Variants in MIPOL1 observed in about 807,000 individuals in gnomAD.
The protein encoded by MIPOL1 is mirror-image polydactyly 1, also known as mirror-image polydactyly gene 1 protein.
In MIPOL1, 57 loss-of-function variants were observed where a neutral mutation model predicts 60.9. The observed-to-expected ratio is 0.94, with a 90% confidence interval of 0.76 to 1.17. MIPOL1 has a LOEUF of 1.17. Ranked by LOEUF, MIPOL1 falls within the 50% of genes most tolerant of loss-of-function variation. The pLI is 0.00. For missense variants in MIPOL1, 551 were observed against 511.6 expected (o/e 1.08, Z -0.74); for synonymous variants, 179 against 168.8 (o/e 1.06, Z -0.47).
chr14:37,531,437 T>A (rs2095478613), intron 12 of MIPOL1, among the ~76,000 whole-genome samples: 1 of 152,162 alleles, frequency 6.6e-6, no homozygotes, highest in Admixed American at 6.6e-5. Context: ...TACCATCCTA[T>A]TCTATGAAAT....
chr14:37,507,308 A>G (rs892872977), intron 12 of MIPOL1: 2 of 152,190 alleles, frequency 1.3e-5, no homozygotes, highest in Admixed American at 1.3e-4. Context: ...ATGCACACAT[A>G]TGCTTATTGC....
At chr14:37,288,891 A>G (rs748094559) in intron 7 of MIPOL1, among the ~76,000 whole-genome samples, 10 of 152,294 alleles carry the variant, frequency 6.6e-5, no homozygotes, top group South Asian at 2.1e-4. Context: ...CCTGATAATT[A>G]AAAGGGCTTG....
At chr14:37,262,426 T>C (rs1314790542) in intron 3 of MIPOL1, among the ~76,000 whole-genome samples, 1 of 152,098 alleles carries the variant, frequency 6.6e-6, no homozygotes, top group African/African-American at 2.4e-5. Context: ...GGAAGTCTTA[T>C]ATTTTGATGT....
intron 11 of MIPOL1, 152 bp from the exon 12 acceptor site, chr14:37,499,756 A>G: frequency 4.3e-6 from 2 of 463,768 alleles, no homozygotes; most frequent in Non-Finnish European, 7.7e-6. Flanking sequence ...TATCAATTAT[A>G]ATGTTGTGAC....
chr14:37,311,833 A>G (rs1352586655), intron 9 of MIPOL1, among the ~76,000 whole-genome samples: 2 of 152,170 alleles, frequency 1.3e-5, no homozygotes, highest in Non-Finnish European at 2.9e-5. Flanking sequence ...GTTATTCAGA[A>G]TTCACCAGTT....
intron 12 of MIPOL1, among the ~76,000 whole-genome samples, chr14:37,546,322 T>A (rs966797696): frequency 6.6e-6 from 1 of 152,198 alleles, no homozygotes; most frequent in African/African-American, 2.4e-5. Flanking sequence ...CTGGTTTTAT[T>A]AGTATCAAAT....
intron 7 of MIPOL1, among the ~76,000 whole-genome samples, chr14:37,287,868 A>G (rs1356579238): frequency 6.6e-6 from 1 of 152,072 alleles, no homozygotes; most frequent in Non-Finnish European, 1.5e-5. Flanking sequence ...GACTCAAGCA[A>G]TCTGCCTGCC....
At chr14:37,541,019 A>G (rs1014925837) in intron 12 of MIPOL1, among the ~76,000 whole-genome samples, 1 of 152,138 alleles carries the variant, frequency 6.6e-6, no homozygotes, top group Non-Finnish European at 1.5e-5. Context: ...CCTCTACTCC[A>G]GCTTCTGCAT....
At position 37,533,456 on chromosome 14, in the gene MIPOL1, A is replaced by G. The variant is rs566805687; in HGVS notation, c.1263-13449A>G. On this transcript the variant is annotated intron_variant, in intron 12 of 12. Transcript: ENST00000684589. ...AATTTTTAACAAAAGACACTCTAAAAATAGTGAAACTGTGATGTTTTAGAT... is the reference window on the plus strand; with the variant it reads ...AATTTTTAACAAAAGACACTCTAAAGATAGTGAAACTGTGATGTTTTAGAT... 8.5e-5 allele frequency among the ~76,000 whole-genome samples: 13 copies of G among 152,326 alleles called. No individual in the cohort carries two copies. The South Asian group carries it at 2.3e-3, about 27-fold the overall frequency.
chr14:37,249,900 A>T (rs1973817869), intron 3 of MIPOL1, among the ~76,000 whole-genome samples: 1 of 152,166 alleles, frequency 6.6e-6, no homozygotes, highest in Non-Finnish European at 1.5e-5. Context: ...TAAGAGTTAT[A>T]TTAAAATTAG....
chr14:37,239,580 G>C (rs1447853907), intron 1 of MIPOL1, among the ~76,000 whole-genome samples: 1 of 152,138 alleles, frequency 6.6e-6, no homozygotes, highest in African/African-American at 2.4e-5. Flanking sequence ...ATAATTTTAA[G>C]TTGCAGGAAG....
intron 9 of MIPOL1, among the ~76,000 whole-genome samples, chr14:37,344,423 G>A (rs10144237): frequency 0.97 from 147,576 of 151,946 alleles, 71,717 homozygotes; most frequent in East Asian, 1. Flanking sequence ...CTTTTTTTCC[G>A]TATATATACT....
intron 11 of MIPOL1, among the ~76,000 whole-genome samples, chr14:37,469,627 A>G (rs1010202170): frequency 3.3e-5 from 5 of 152,174 alleles, no homozygotes; most frequent in Non-Finnish European, 7.3e-5. Flanking sequence ...CCAGAAGTTT[A>G]TGGATTGGAA....
At chr14:37,252,473 T>C (rs1974270068) in intron 3 of MIPOL1, among the ~76,000 whole-genome samples, 1 of 151,986 alleles carries the variant, frequency 6.6e-6, no homozygotes, top group South Asian at 2.1e-4. Context: ...GCAAGTATCA[T>C]TTGTATCCAT....
intron 1 of MIPOL1, among the ~76,000 whole-genome samples, chr14:37,209,980 A>G (rs989017335): frequency 6.6e-6 from 1 of 151,860 alleles, no homozygotes; most frequent in Non-Finnish European, 1.5e-5. Context: ...CAAAGTACTG[A>G]TTACTGGTGT....
At position 37,449,387 on chromosome 14, in the gene MIPOL1, CAT is replaced by C. The variant is rs1446428444; in HGVS notation, c.1031+26442_1031+26443del. On this transcript the variant is annotated intron_variant, in intron 11 of 12. Transcript: ENST00000684589. ...TGACATAATGTAGACTTGTAGAAAA[CAT>C]ATAAATCTGTAAAGTATTTATATTG... 5.3e-5 allele frequency among the ~76,000 whole-genome samples: 8 copies of C among 152,098 alleles called. No homozygotes were observed. In the East Asian group the frequency reaches 9.6e-4, roughly 18 times the overall value.
intron 9 of MIPOL1, among the ~76,000 whole-genome samples, chr14:37,356,381 A>C (rs1287107432): frequency 6.6e-6 from 1 of 152,068 alleles, no homozygotes; most frequent in Non-Finnish European, 1.5e-5. Context: ...CCCTGCCCCC[A>C]GAGGTGAAGC....
intron 1 of MIPOL1, among the ~76,000 whole-genome samples, chr14:37,218,944 A>G (rs571584738): frequency 6.7e-5 from 10 of 150,308 alleles, no homozygotes; most frequent in African/African-American, 2.4e-4. Flanking sequence ...AAAAAAAAAG[A>G]AAAAAGAAAA....
chr14:37,211,772 AC>A (rs1966848915), intron 1 of MIPOL1, among the ~76,000 whole-genome samples: 1 of 151,814 alleles, frequency 6.6e-6, no homozygotes, highest in Non-Finnish European at 1.5e-5. Context: ...ATCACCCCTC[AC>A]CTAACCCCAG....
Sources: allele counts gnomAD v4.1 joint callset (sites outside exome capture counted in the v4.1 genomes callset), GRCh38; gene constraint gnomAD v4.1.1; transcripts MANE v1.5; gene names NCBI Gene and HGNC (gene_info 2026-07-23, HGNC 2026-07-21).